Variants in SMYD3 observed in about 807,000 individuals in gnomAD.
SMYD3 encodes SET and MYND domain containing 3, also known as histone-lysine N-methyltransferase SMYD3.
A neutral mutation model predicts 57.7 loss-of-function variants in SMYD3; 36 were observed. That is an observed-to-expected ratio of 0.62 (90% CI 0.48 to 0.82). The LOEUF is 0.82. Among genes scored for constraint, SMYD3 ranks in the 40% least tolerant of loss-of-function variants. SMYD3 has a pLI of 0.00. For synonymous variants in SMYD3, 211 were observed against 195.0 expected, an observed-to-expected ratio of 1.08 and a Z score of -0.68; for missense variants, 515 against 538.8, an observed-to-expected ratio of 0.96 and a Z score of 0.44.
intron 5 of SMYD3, among the ~76,000 whole-genome samples, chr1:245,939,407 C>T (rs537205882): frequency 1.1e-4 from 16 of 151,892 alleles, no homozygotes; most frequent in South Asian, 4.2e-4. Flanking sequence ...GGGTGGATCA[C>T]GAGGTCAGGA....
chr1:246,117,451 A>T (rs2061358118), intron 5 of SMYD3, among the ~76,000 whole-genome samples: 1 of 152,202 alleles, frequency 6.6e-6, no homozygotes, highest in Non-Finnish European at 1.5e-5. Context: ...CGCAGAATAA[A>T]CAAATCCAGG....
At chr1:246,207,812 G>T (rs2063024573) in intron 5 of SMYD3, among the ~76,000 whole-genome samples, 1 of 152,062 alleles carries the variant, frequency 6.6e-6, no homozygotes, top group Non-Finnish European at 1.5e-5. Flanking sequence ...TTTGCTTTTG[G>T]GGTAGATGGT....
At chr1:246,122,775 C>A (rs182187691) in intron 5 of SMYD3, among the ~76,000 whole-genome samples, 178 of 152,282 alleles carry the variant, frequency 1.2e-3, no homozygotes, top group Middle Eastern at 6.8e-3. Context: ...GATGTCCTAA[C>A]CAAGGACACC....
chr1:246,361,362 G>C lies in SMYD3; in HGVS notation c.165-6268C>G, dbSNP rs550617955. Among the ~76,000 whole-genome samples the C allele has an allele frequency of 3.3e-5, 5 of 152,300 alleles. No individual in the cohort carries two copies. In the East Asian group the frequency reaches 9.6e-4, roughly 29 times the overall value. ...ACACTGTTGGTGGGAATGTAAACCA[G>C]TACAACCACTATGGAAAACAGTGGA... On this transcript the variant is annotated intron_variant, in intron 1 of 11. Coordinates refer to ENST00000490107, the MANE Select transcript of SMYD3 (RefSeq NM_001167740.2).
At chr1:246,210,160 G>A (rs1379482701) in intron 5 of SMYD3, among the ~76,000 whole-genome samples, 1 of 152,114 alleles carries the variant, frequency 6.6e-6, no homozygotes, top group Non-Finnish European at 1.5e-5. Flanking sequence ...GTGTGGGGCT[G>A]AGAAAGCTTT....
intron 5 of SMYD3, among the ~76,000 whole-genome samples, chr1:245,957,968 T>G (rs893570191): frequency 1.3e-5 from 2 of 151,746 alleles, no homozygotes; most frequent in Admixed American, 1.3e-4. Flanking sequence ...ATGTTAGAAC[T>G]CCTAGCAGAC....
intron 1 of SMYD3, among the ~76,000 whole-genome samples, chr1:246,474,519 C>CAAA (rs35626265): frequency 2.7e-4 from 21 of 78,746 alleles, no homozygotes; most frequent in East Asian, 3.7e-4. Context: ...ACTCCCCTCT[C>CAAA]AAAAAAAAAA....
intron 5 of SMYD3, among the ~76,000 whole-genome samples, chr1:246,291,403 A>T (rs2064688413): frequency 6.6e-6 from 1 of 152,220 alleles, no homozygotes; most frequent in Admixed American, 6.5e-5. Context: ...ACCACGAGGC[A>T]CCTAAGCAAG....
Position 246,138,647 on chromosome 1 carries a change from G to C in SMYD3, c.531+188554C>G, listed in dbSNP as rs191717086. On this transcript the variant is annotated intron_variant, in intron 5 of 11. Coordinates refer to ENST00000490107, the MANE Select transcript of SMYD3 (RefSeq NM_001167740.2). ...TCACCGTGTTAGCCAGGATGGTCTCGATCTCCTGACCTCGTGATCCGCCCG... is the reference window on the plus strand; with the variant it reads ...TCACCGTGTTAGCCAGGATGGTCTCCATCTCCTGACCTCGTGATCCGCCCG... 8.1e-4 allele frequency among the ~76,000 whole-genome samples: 119 copies of C among 147,538 alleles called. 1 individual carries two copies. The highest frequency in any genetic ancestry group is 2.7e-3 in the African/African-American group (109 of 40,968).
chr1:246,162,172 C>T (rs540796469), intron 5 of SMYD3, among the ~76,000 whole-genome samples: 50 of 152,254 alleles, frequency 3.3e-4, no homozygotes, highest in African/African-American at 1.2e-3. Context: ...TGAAGTAATG[C>T]TATCCCGCAA....
chr1:245,830,440 C>T (rs2049767207), intron 10 of SMYD3, among the ~76,000 whole-genome samples: 1 of 152,162 alleles, frequency 6.6e-6, no homozygotes, highest in African/African-American at 2.4e-5. Context: ...AAACTGCCTC[C>T]ATGATTCAAT....
chr1:245,950,353 G>A (rs2057584689), intron 5 of SMYD3, among the ~76,000 whole-genome samples: 1 of 152,136 alleles, frequency 6.6e-6, no homozygotes, highest in African/African-American at 2.4e-5. Context: ...CCCAGTGCAA[G>A]ACCTGGTTGC....
rs1168907157 is a variant in SMYD3 at position 245,852,686 on chromosome 1, CCT to C, written c.1076+5808_1076+5809del. 1.1e-4 allele frequency among the ~76,000 whole-genome samples: 16 copies of C among 152,200 alleles called. No individual in the cohort carries two copies. The South Asian group carries it at 1.9e-3, about 18-fold the overall frequency. ...CATCTTCCCTCTTTCTCTATTTTCC[CCT>C]CTTTCACCTCCTTTTTCATTGGATT... On this transcript the variant is annotated intron_variant, in intron 10 of 11. Coordinates refer to ENST00000490107, the MANE Select transcript of SMYD3 (RefSeq NM_001167740.2).
intron 1 of SMYD3, among the ~76,000 whole-genome samples, chr1:246,368,786 A>T (rs1310436781): frequency 1.3e-5 from 2 of 152,120 alleles, no homozygotes; most frequent in African/African-American, 4.8e-5. Context: ...AGACTGGCTT[A>T]GTCTCCCGAC....
At chr1:246,413,945 C>A (rs1285692183) in intron 1 of SMYD3, among the ~76,000 whole-genome samples, 2 of 152,148 alleles carry the variant, frequency 1.3e-5, no homozygotes, top group Non-Finnish European at 2.9e-5. Flanking sequence ...AAAAACAAAA[C>A]CATTAACCTT....
rs146546878 is a variant in SMYD3, at chr1:246,213,769, G to A, written c.531+113432C>T. The stretch of plus-strand genomic sequence containing the variant: ...TATCTTAGCATCTGTAATGGCCATC[G>A]GCCATTGAGTAAATCCCAGTTTTAA... On this transcript the variant is annotated intron_variant, in intron 5 of 11. Coordinates refer to ENST00000490107, the MANE Select transcript of SMYD3 (RefSeq NM_001167740.2). Among the ~76,000 whole-genome samples the A allele has an allele frequency of 4.3e-3, 648 of 152,210 alleles. 12 individuals carry two copies. Among genetic ancestry groups the A allele is most frequent in the African/African-American group, 0.015 (614 of 41,506 alleles).
At chr1:245,920,590 C>T (rs1405914879) in intron 7 of SMYD3, among the ~76,000 whole-genome samples, 1 of 152,114 alleles carries the variant, frequency 6.6e-6, no homozygotes, top group Non-Finnish European at 1.5e-5. Flanking sequence ...CTGAGCTCCC[C>T]GACTTCAGGC....
At chr1:246,094,021 T>C (rs1202996036) in intron 5 of SMYD3, among the ~76,000 whole-genome samples, 2 of 152,082 alleles carry the variant, frequency 1.3e-5, no homozygotes, top group Non-Finnish European at 2.9e-5. Context: ...GAGCTGTGTC[T>C]AACTACCAAA....
chr1:245,835,198 C>T (rs2050048337), intron 10 of SMYD3, among the ~76,000 whole-genome samples: 1 of 149,110 alleles, frequency 6.7e-6, no homozygotes, highest in South Asian at 2.1e-4. Context: ...TGGCTCACTG[C>T]AACCTCTGCC....
Sources: allele counts gnomAD v4.1 joint callset (sites outside exome capture counted in the v4.1 genomes callset), GRCh38; gene constraint gnomAD v4.1.1; transcripts MANE v1.5; gene names NCBI Gene and HGNC (gene_info 2026-07-23, HGNC 2026-07-21).